The following RERE variants were observed in gnomAD, a reference collection of about 807,000 sequenced individuals.
RERE encodes the protein arginine-glutamic acid dipeptide repeats protein.
A neutral mutation model predicts 146.1 loss-of-function variants in RERE; 40 were observed. The observed-to-expected ratio is 0.27, with a 90% CI of 0.21 to 0.36. RERE has a LOEUF of 0.36. RERE is among the 10% of genes least tolerant of loss of function. The pLI is 1.00. For synonymous variants in RERE, 1,003 were observed against 866.0 expected, an observed-to-expected ratio of 1.16 and a Z score of -2.78; for missense variants, 1,933 against 2,138.7, an observed-to-expected ratio of 0.90 and a Z score of 1.90.
At chr1:8,723,587 C>G (rs1639903523) in intron 1 of RERE, among the ~76,000 whole-genome samples, 1 of 152,116 alleles carries the variant, frequency 6.6e-6, no homozygotes, top group African/African-American at 2.4e-5. Context: ...GCTATGTACA[C>G]TGAAATTTTG....
At chr1:8,728,170 G>T (rs1557506846) in intron 1 of RERE, among the ~76,000 whole-genome samples, 1 of 152,218 alleles carries the variant, frequency 6.6e-6, no homozygotes, top group Non-Finnish European at 1.5e-5. Context: ...ACCAAGACCT[G>T]CGGTAGCTGC....
At chr1:8,439,183 G>C (rs1033914281) in intron 11 of RERE, among the ~76,000 whole-genome samples, 3 of 152,228 alleles carry the variant, frequency 2.0e-5, no homozygotes, top group African/African-American at 4.8e-5. Flanking sequence ...AAATGTGTTT[G>C]AGAGAGCCAC....
chr1:8,650,864 T>C (rs1257268720), intron 2 of RERE, among the ~76,000 whole-genome samples: 3 of 144,954 alleles, frequency 2.1e-5, no homozygotes, highest in Non-Finnish European at 4.5e-5. Flanking sequence ...ACCACTGCCC[T>C]CCAGCCTGGC....
chr1:8,453,465 G>C (rs1442008506), intron 11 of RERE, among the ~76,000 whole-genome samples: 4 of 152,170 alleles, frequency 2.6e-5, no homozygotes, highest in African/African-American at 9.7e-5. Context: ...TTAATGTTAG[G>C]TGGGTTTTTG....
chr1:8,699,261 G>T (rs1024007769), intron 1 of RERE, among the ~76,000 whole-genome samples: 1 of 152,186 alleles, frequency 6.6e-6, no homozygotes, highest in African/African-American at 2.4e-5. Flanking sequence ...AACAGTCACA[G>T]AGGTTAAATA....
intron 10 of RERE, among the ~76,000 whole-genome samples, chr1:8,473,282 A>G (rs1235416257): frequency 6.6e-6 from 1 of 152,178 alleles, no homozygotes; most frequent in African/African-American, 2.4e-5. Context: ...TGAACCCAGT[A>G]GGACATTCCA....
intron 7 of RERE, among the ~76,000 whole-genome samples, chr1:8,512,223 C>T (rs561274146): frequency 1.2e-3 from 173 of 147,454 alleles, no homozygotes; most frequent in African/African-American, 3.9e-3. Context: ...TTAGTAGAGA[C>T]GGGGTTTCAC....
intron 1 of RERE, among the ~76,000 whole-genome samples, chr1:8,658,524 G>A (rs1206234162): frequency 1.3e-5 from 2 of 152,098 alleles, no homozygotes; most frequent in Admixed American, 6.5e-5. Context: ...TTGGGAGGCC[G>A]AGGTGGGCAG....
At chr1:8,357,485 G>A (rs1484873091) in intron 20 of RERE, among the ~76,000 whole-genome samples, 2 of 152,192 alleles carry the variant, frequency 1.3e-5, no homozygotes, top group Non-Finnish European at 2.9e-5. Flanking sequence ...GGCCAGTGAG[G>A]AAGCCCTGCA....
chr1:8,358,528 G>A lies in RERE; in HGVS notation c.4007C>T (p.Pro1336Leu), dbSNP rs2124359972. 3.8e-6 allele frequency: 6 copies of A among 1,599,570 alleles called. No individual in the cohort carries two copies. The highest frequency in any genetic ancestry group is 4.3e-6 in the Non-Finnish European group (5 of 1,173,768). ...GFEVKPPELD[P>L]LHPAANPMEH... is the part of the protein sequence containing the mutation. ...CATGGGGTTGGCGGCTGGGTGCAGG[G>A]GGTCCAGCTCTGGGGGCTTCACCTC... The change falls in exon 20 of 23, where the codon CCC becomes CTC. Residue 1336 changes from proline to leucine, a missense_variant. Physicochemically the swap from Pro to Leu is moderately conservative, Grantham distance 98. Around this residue, in one of 11 missense-constraint regions of RERE, gnomAD observed 1,255 missense variants for 1,153.8 expected, o/e 1.09. Coordinates refer to ENST00000400908, the MANE Select transcript of RERE (RefSeq NM_001042681.2).
At chr1:8,553,235 TCC>T (rs1294847275) in intron 6 of RERE, among the ~76,000 whole-genome samples, 2 of 147,092 alleles carry the variant, frequency 1.4e-5, no homozygotes, top group Admixed American at 1.3e-4. Context: ...GGCCAGCATG[TCC>T]ACATGCATAT....
chr1:8,811,030 T>C lies in RERE; in HGVS notation c.-145+6130A>G, dbSNP rs190131870. On this transcript the variant is annotated intron_variant, in intron 1 of 22. Transcript: ENST00000400908. Reference sequence around the variant, plus strand: ...TACGAGTTATGACTATGAAGTCTCTTGAAGGAAAATAAGGTGTTAGAATAA... The same window carrying C: ...TACGAGTTATGACTATGAAGTCTCTCGAAGGAAAATAAGGTGTTAGAATAA... Among the ~76,000 whole-genome samples the C allele has an allele frequency of 2.8e-3, 423 of 152,288 alleles. 2 individuals carry two copies. The highest frequency in any genetic ancestry group is 0.014 in the Middle Eastern group (4 of 294).
chr1:8,405,874 A>T (rs919423114), intron 12 of RERE, among the ~76,000 whole-genome samples: 3 of 152,126 alleles, frequency 2.0e-5, no homozygotes, highest in Non-Finnish European at 4.4e-5. Context: ...TGACCTCATG[A>T]TCTACCCGCC....
Position 8,548,315 on chromosome 1 carries a change from CTTA to C in RERE, c.726-7000_726-6998del, listed in dbSNP as rs548110991. Among the ~76,000 whole-genome samples the C allele has an allele frequency of 1.3e-3, 201 of 152,206 alleles. 1 individual carries two copies. The highest frequency in any genetic ancestry group is 3.4e-3 in the Middle Eastern group (1 of 294). ...AGAGTATCTTCTTATAACCCTGACT[CTTA>C]GAACCACAGCAATAGTCCACATGCT... On this transcript the variant is annotated intron_variant, in intron 6 of 22. Coordinates refer to ENST00000400908, the MANE Select transcript of RERE (RefSeq NM_001042681.2).
intron 1 of RERE, among the ~76,000 whole-genome samples, chr1:8,743,426 ATTT>A (rs35763675): frequency 2.1e-4 from 26 of 122,922 alleles, no homozygotes; most frequent in East Asian, 4.8e-4. Flanking sequence ...CTACAGGCTA[ATTT>A]TTTTTTTTTT....
intron 6 of RERE, among the ~76,000 whole-genome samples, chr1:8,541,619 T>C (rs1645801940): frequency 6.6e-6 from 1 of 152,030 alleles, no homozygotes; most frequent in African/African-American, 2.4e-5. Context: ...TGGAGAAAAA[T>C]TAAAACCATT....
chr1:8,594,897 C>G (rs1423680782), intron 4 of RERE, among the ~76,000 whole-genome samples: 2 of 152,042 alleles, frequency 1.3e-5, no homozygotes, highest in Admixed American at 6.6e-5. Flanking sequence ...GTGGCTCACA[C>G]CTGTTAATCC....
At chr1:8,795,930 C>T (rs1407188152) in intron 1 of RERE, among the ~76,000 whole-genome samples, 3 of 147,240 alleles carry the variant, frequency 2.0e-5, no homozygotes, top group East Asian at 2.0e-4. Flanking sequence ...TGTGGTGAGC[C>T]GCGATTGCAC....
chr1:8,613,955 G>A (rs1470707351), intron 4 of RERE, among the ~76,000 whole-genome samples: 4 of 152,080 alleles, frequency 2.6e-5, no homozygotes, highest in Non-Finnish European at 5.9e-5. Flanking sequence ...AAGGGATAAA[G>A]CACTACAGAT....
Sources: allele counts gnomAD v4.1 joint callset (sites outside exome capture counted in the v4.1 genomes callset), GRCh38; gene constraint gnomAD v4.1.1; regional missense constraint gnomAD v4.1.1; transcripts MANE v1.5; gene names NCBI Gene and HGNC (gene_info 2026-07-23, HGNC 2026-07-21).